EYS: variants seen among roughly 807,000 people sequenced by gnomAD.
EYS encodes the protein EGF-like photoreceptor maintenance factor.
In EYS, 250 loss-of-function variants were observed where a neutral mutation model predicts 282.1. That is an observed-to-expected ratio of 0.89 (90% CI 0.80 to 0.98). The LOEUF is 0.98. Among genes scored for constraint, EYS ranks in the 50% least tolerant of loss-of-function variants. The pLI, the probability that EYS is intolerant of heterozygous loss-of-function variation, is 0.00. For missense variants in EYS, 4,016 were observed against 3,709.0 expected (o/e 1.08, Z -2.15); for synonymous variants, 1,355 against 1,282.9 (o/e 1.06, Z -1.20).
Position 64,563,997 on chromosome 6 carries a change from C to T in EYS, c.5644+26226G>A, listed in dbSNP as rs542129568. ...CTCAATATGGATTCAACATTTAGTT[C>T]ATCCTGCTTTCAAAAAAACAAATGT... On this transcript the variant is annotated intron_variant, in intron 26 of 42. Coordinates refer to ENST00000503581, the MANE Select transcript of EYS (RefSeq NM_001142800.2). 5.3e-5 allele frequency among the ~76,000 whole-genome samples: 8 copies of T among 151,744 alleles called. No homozygotes were observed. The East Asian group carries it at 1.4e-3, about 26-fold the overall frequency.
chr6:63,966,307 T>C (rs368613711), intron 35 of EYS, among the ~76,000 whole-genome samples: 10 of 152,186 alleles, frequency 6.6e-5, no homozygotes, highest in East Asian at 5.8e-4. Context: ...AGGTAGGAAC[T>C]AAGCTATGAG....
At chr6:65,600,820 C>T (rs1478950934) in intron 2 of EYS, among the ~76,000 whole-genome samples, 3 of 151,480 alleles carry the variant, frequency 2.0e-5, no homozygotes, top group African/African-American at 4.9e-5. Flanking sequence ...ACAAAAGTGG[C>T]AATTTTCTCG....
chr6:65,442,169 G>A (rs1768356362), intron 5 of EYS, among the ~76,000 whole-genome samples: 1 of 151,814 alleles, frequency 6.6e-6, no homozygotes, highest in African/African-American at 2.4e-5. Context: ...AATAATTAGA[G>A]TTCTTCATAT....
intron 31 of EYS, among the ~76,000 whole-genome samples, chr6:64,141,926 TTCATAATCCCA>T (rs1162446565): frequency 1.3e-5 from 2 of 152,166 alleles, no homozygotes; most frequent in Non-Finnish European, 2.9e-5. Flanking sequence ...AAGTTTTCCC[TTCATAATCCCA>T]TGTCAAAAGC....
intron 31 of EYS, among the ~76,000 whole-genome samples, chr6:64,111,386 G>A (rs374838385): frequency 5.1e-4 from 78 of 152,144 alleles, no homozygotes; most frequent in African/African-American, 1.7e-3. Flanking sequence ...AGTCGAGCAC[G>A]GATGGAAGAA....
At chr6:65,251,603 A>G (rs1208906209) in intron 12 of EYS, among the ~76,000 whole-genome samples, 1 of 152,048 alleles carries the variant, frequency 6.6e-6, no homozygotes, top group Non-Finnish European at 1.5e-5. Flanking sequence ...CTCACTGAAT[A>G]TAGCTATAGA....
intron 11 of EYS, among the ~76,000 whole-genome samples, chr6:65,318,119 G>T (rs554494282): frequency 6.6e-6 from 1 of 150,726 alleles, no homozygotes; most frequent in East Asian, 2.0e-4. Context: ...CGCCCACCTC[G>T]GCCTCCCAAA....
intron 32 of EYS, among the ~76,000 whole-genome samples, chr6:64,070,135 A>G (rs906909935): frequency 2.6e-5 from 4 of 152,094 alleles, no homozygotes; most frequent in Non-Finnish European, 4.4e-5. Flanking sequence ...CAAACTGGAC[A>G]AATGGCAGTT....
At chr6:64,251,252 G>A (rs1445800977) in intron 30 of EYS, among the ~76,000 whole-genome samples, 1 of 152,114 alleles carries the variant, frequency 6.6e-6, no homozygotes, top group Non-Finnish European at 1.5e-5. Context: ...CTCAAGACAG[G>A]TAGATTTGTT....
intron 39 of EYS, among the ~76,000 whole-genome samples, chr6:63,778,821 C>T (rs1770133377): frequency 6.6e-6 from 1 of 152,118 alleles, no homozygotes; most frequent in Non-Finnish European, 1.5e-5. Flanking sequence ...TTCACAGGCA[C>T]TACCATGCCT....
At chr6:64,973,278 A>G (rs1330588485) in intron 14 of EYS, among the ~76,000 whole-genome samples, 1 of 152,034 alleles carries the variant, frequency 6.6e-6, no homozygotes, top group Admixed American at 6.6e-5. Flanking sequence ...CTACCCTTCT[A>G]TGTACTAGGC....
intron 5 of EYS, among the ~76,000 whole-genome samples, chr6:65,425,338 G>A (rs78297996): frequency 0.011 from 1,633 of 152,084 alleles, 15 homozygotes; most frequent in Non-Finnish European, 0.016. Context: ...ATTTGGAAAT[G>A]TGTTTTCTGG....
chr6:64,456,209 C>T (rs565471173), intron 26 of EYS, among the ~76,000 whole-genome samples: 1 of 152,136 alleles, frequency 6.6e-6, no homozygotes, highest in South Asian at 2.1e-4. Context: ...GTGGATTTCA[C>T]ACATCCTAAA....
chr6:65,190,860 T>C (rs1765625292), intron 12 of EYS, among the ~76,000 whole-genome samples: 1 of 151,798 alleles, frequency 6.6e-6, no homozygotes, highest in Non-Finnish European at 1.5e-5. Context: ...ACATGCATGA[T>C]AACATGTAGG....
intron 2 of EYS, among the ~76,000 whole-genome samples, chr6:65,542,473 A>ATG (rs35318949): frequency 0.078 from 11,414 of 146,464 alleles, 456 homozygotes; most frequent in Middle Eastern, 0.12. Flanking sequence ...TAACAATAGA[A>ATG]TGTGTGTGTG....
intron 12 of EYS, among the ~76,000 whole-genome samples, chr6:65,263,255 C>T (rs1767664442): frequency 6.6e-6 from 1 of 151,968 alleles, no homozygotes; most frequent in South Asian, 2.1e-4. Context: ...GTGGGATGAT[C>T]ACCTGAGCCC....
intron 16 of EYS, among the ~76,000 whole-genome samples, chr6:64,908,462 C>G (rs1767896840): frequency 6.6e-6 from 1 of 152,040 alleles, no homozygotes; most frequent in Non-Finnish European, 1.5e-5. Flanking sequence ...TGCCCTTTGC[C>G]AGGGAGGGCA....
At chr6:64,254,104 G>T (rs373746289) in intron 30 of EYS, among the ~76,000 whole-genome samples, 196 of 152,124 alleles carry the variant, frequency 1.3e-3, no homozygotes, top group African/African-American at 4.5e-3. Context: ...TCTGCTCTAG[G>T]GAGGCCTTAA....
At chr6:63,910,036 G>T (rs1271444150) in intron 35 of EYS, among the ~76,000 whole-genome samples, 2 of 152,150 alleles carry the variant, frequency 1.3e-5, no homozygotes, top group East Asian at 1.9e-4. Context: ...AAGGAATATT[G>T]TTGCTTAAGG....
Sources: gnomAD v4.1 joint callset for allele counts (sites outside exome capture counted in the v4.1 genomes callset) on GRCh38, gnomAD v4.1.1 for gene constraint, MANE v1.5 for transcripts, NCBI Gene and HGNC (gene_info 2026-07-23, HGNC 2026-07-21) for gene names.